Variants in PAPSS2 observed in about 807,000 individuals in gnomAD.
PAPSS2 encodes bifunctional 3'-phosphoadenosine 5'-phosphosulfate synthase 2.
A neutral mutation model predicts 66.5 loss-of-function variants in PAPSS2; 61 were observed. The observed-to-expected ratio is 0.92, with a 90% CI of 0.75 to 1.14. PAPSS2 has a LOEUF of 1.14. PAPSS2 is among the 50% of genes most tolerant of loss of function. The pLI is 0.00. For synonymous variants in PAPSS2, 289 were observed against 287.5 expected (o/e 1.01, Z -0.05); for missense variants, 708 against 789.6 (o/e 0.90, Z 1.24).
intron 1 of PAPSS2, among the ~76,000 whole-genome samples, chr10:87,692,072 T>C (rs1403874869): frequency 6.6e-6 from 1 of 152,162 alleles, no homozygotes; most frequent in Non-Finnish European, 1.5e-5. Flanking sequence ...CTAACAGTGA[T>C]GGAATGGCGT....
chr10:87,705,178 T>A (rs576366829), intron 1 of PAPSS2, among the ~76,000 whole-genome samples: 26 of 152,350 alleles, frequency 1.7e-4, no homozygotes, highest in African/African-American at 6.0e-4. Context: ...TCATATATAA[T>A]GTGTAGTTTT....
intron 1 of PAPSS2, among the ~76,000 whole-genome samples, chr10:87,673,531 G>T (rs181929183): frequency 8.5e-4 from 129 of 151,476 alleles, no homozygotes; most frequent in Non-Finnish European, 1.7e-3. Context: ...CTACCAGAAG[G>T]GTTATATTTT....
chr10:87,723,249 GACA>G (rs1390429791), intron 8 of PAPSS2, among the ~76,000 whole-genome samples: 1 of 152,182 alleles, frequency 6.6e-6, no homozygotes, highest in Non-Finnish European at 1.5e-5. Flanking sequence ...GATTTCTAGT[GACA>G]ACGACAGCAT....
Position 87,673,005 on chromosome 10 carries a change from T to C in PAPSS2, c.27+12997T>C, listed in dbSNP as rs1209986932. Among the ~76,000 whole-genome samples the C allele has an allele frequency of 3.9e-5, 6 of 152,244 alleles. No individual in the cohort carries two copies. The South Asian group carries it at 6.2e-4, about 16-fold the overall frequency. Reference sequence around the variant, plus strand: ...CAAGGATGGGTATTTCTGTGTGGCCTGAAAGGCTGAGAATGTGTACTGTCT... The same window carrying C: ...CAAGGATGGGTATTTCTGTGTGGCCCGAAAGGCTGAGAATGTGTACTGTCT... On this transcript the variant is annotated intron_variant, in intron 1 of 12. Transcript: ENST00000456849.
chr10:87,743,476 G>A lies in PAPSS2; in HGVS notation c.1326G>A (p.Pro442=), dbSNP rs369464332. ...TCCTAGAGAGGGGCTACAAGCACCCGGTCCTCCTACTACACCCTCTGGGCG... is the reference window on the plus strand; with the variant it reads ...TCCTAGAGAGGGGCTACAAGCACCCAGTCCTCCTACTACACCCTCTGGGCG... ...RRLLERGYKH[P]VLLLHPLGGW... The change falls in exon 11 of 13, where the codon CCG becomes CCA. Residue 442 remains proline, a synonymous_variant. Coordinates refer to ENST00000456849, the MANE Select transcript of PAPSS2 (RefSeq NM_001015880.2). 2.4e-5 allele frequency: 38 copies of A among 1,613,984 alleles called. No homozygotes were observed. The highest frequency in any genetic ancestry group is 1.3e-5 in the African/African-American group (1 of 74,896).
chr10:87,741,837 G>C (rs1339095963), intron 10 of PAPSS2, among the ~76,000 whole-genome samples: 1 of 152,178 alleles, frequency 6.6e-6, no homozygotes, highest in African/African-American at 2.4e-5. Flanking sequence ...GCTCACTGCA[G>C]CCTCAACCTC....
At chr10:87,673,774 T>C (rs1852911024) in intron 1 of PAPSS2, among the ~76,000 whole-genome samples, 1 of 151,498 alleles carries the variant, frequency 6.6e-6, no homozygotes, top group Non-Finnish European at 1.5e-5. Flanking sequence ...CTTTCCTTTT[T>C]CTTGTCCACT....
At chr10:87,674,631 G>A (rs139200319) in intron 1 of PAPSS2, among the ~76,000 whole-genome samples, 75 of 152,102 alleles carry the variant, frequency 4.9e-4, no homozygotes, top group African/African-American at 1.6e-3. Flanking sequence ...CAAAATATCT[G>A]TGCTTTTTAT....
At chr10:87,733,387 C>T (rs1368019417) in intron 9 of PAPSS2, among the ~76,000 whole-genome samples, 3 of 152,148 alleles carry the variant, frequency 2.0e-5, no homozygotes, top group Admixed American at 6.5e-5. Context: ...TGTTGCCTTT[C>T]GTCCATGGCT....
chr10:87,706,108 A>ATATATATATATATATATATATGTGTGTG, intron 1 of PAPSS2, among the ~76,000 whole-genome samples: 24 of 51,960 alleles, frequency 4.6e-4, no homozygotes, highest in African/African-American at 9.0e-4. Flanking sequence ...ATATATATAT[A>ATATATATATATATATATATATGTGTGTG]TGTGTGTGTG....
chr10:87,705,549 G>A (rs1181156484), intron 1 of PAPSS2, among the ~76,000 whole-genome samples: 1 of 152,008 alleles, frequency 6.6e-6, no homozygotes, highest in Non-Finnish European at 1.5e-5. Flanking sequence ...CAAAATATGA[G>A]AGCACATGTT....
chr10:87,664,368 C>A (rs1852790059), intron 1 of PAPSS2, among the ~76,000 whole-genome samples: 1 of 152,158 alleles, frequency 6.6e-6, no homozygotes, highest in South Asian at 2.1e-4. Context: ...CAACTTTGGC[C>A]AAGAAAGATA....
At chr10:87,694,901 A>C (rs1232212726) in intron 1 of PAPSS2, among the ~76,000 whole-genome samples, 1 of 152,226 alleles carries the variant, frequency 6.6e-6, no homozygotes, top group Non-Finnish European at 1.5e-5. Flanking sequence ...CAGAAGGAGT[A>C]GGGTTCATGG....
At chr10:87,688,397 C>G (rs984870488) in intron 1 of PAPSS2, among the ~76,000 whole-genome samples, 1 of 150,994 alleles carries the variant, frequency 6.6e-6, no homozygotes, top group Non-Finnish European at 1.5e-5. Context: ...TATTCTCTTT[C>G]TTCTTCAGAG....
chr10:87,746,023 T>G lies in PAPSS2; in HGVS notation c.*53T>G. 6.4e-7 allele frequency: 1 copy of G among 1,550,780 alleles called. No homozygotes were observed. Among genetic ancestry groups the G allele is most frequent in the Non-Finnish European group, 8.9e-7 (1 of 1,123,214 alleles). On this transcript the variant is annotated 3_prime_UTR_variant, in exon 13 of 13. Transcript: ENST00000456849. ...AGTGCTCTTTGATTACCTTTTCTAT[T>G]TTTATGATTAGATGCTTTGTATTAA...
In PAPSS2 at chr10:87,727,362, A is replaced by G. The variant is rs1445210532; in HGVS notation, c.959A>G (p.Lys320Arg). ...EDKTRLEGCS[K>R]FVLAHGGRRV... ...AAGACACGGCTGGAAGGGTGCAGCA[A>G]GTTTGTCCTGGCACATGGTGGACGG... The change falls in exon 9 of 13, where the codon AAG becomes AGG. Residue 320 changes from lysine to arginine, a missense_variant. Lys to Arg is a conservative substitution (Grantham distance 26, BLOSUM62 2). Coordinates refer to ENST00000456849, the MANE Select transcript of PAPSS2 (RefSeq NM_001015880.2). 6.8e-6 allele frequency: 11 copies of G among 1,614,084 alleles called. No individual in the cohort carries two copies. Among genetic ancestry groups the G allele is most frequent in the Non-Finnish European group, 9.3e-6 (11 of 1,179,996 alleles).
chr10:87,689,361 A>G (rs1196980920), intron 1 of PAPSS2, among the ~76,000 whole-genome samples: 2 of 150,222 alleles, frequency 1.3e-5, no homozygotes, highest in African/African-American at 4.9e-5. Flanking sequence ...AAAAACAAAA[A>G]AAACCCACAA....
chr10:87,743,265 G>A (rs1318856318), intron 10 of PAPSS2, 108 bp from the exon 11 acceptor site: 3 of 1,178,518 alleles, frequency 2.5e-6, no homozygotes, highest in Non-Finnish European at 3.7e-6. Context: ...AAAAGCCAGT[G>A]GATAATGAAT....
rs1853489169 is a variant in PAPSS2 at position 87,713,324 on chromosome 10, A to AAAAAAAAAAAAAAAAAAAG, written c.381+24_381+25insAAAAAAAAGAAAAAAAAAA. 6.8e-7 allele frequency: 1 copy of AAAAAAAAAAAAAAAAAAAG among 1,462,024 alleles called. No homozygotes were observed. The highest frequency in any genetic ancestry group is 9.4e-7 in the Non-Finnish European group (1 of 1,058,982). The allele number at this position is 1,462,024 out of a possible 1,614,324, so 90.6% of individuals were successfully genotyped here. On this transcript the variant is annotated intron_variant, in intron 3 of 12. Coordinates refer to ENST00000456849, the MANE Select transcript of PAPSS2 (RefSeq NM_001015880.2). ...CCATTCGCAAAGGTAAAAAAAAAAA[A>AAAAAAAAAAAAAAAAAAAG]AAAAAAAAAAGGCACTACACACGAT...
Sources: allele counts gnomAD v4.1 joint callset (sites outside exome capture counted in the v4.1 genomes callset), GRCh38; gene constraint gnomAD v4.1.1; transcripts MANE v1.5; gene names NCBI Gene and HGNC (gene_info 2026-07-23, HGNC 2026-07-21).